ITGA1: variants seen among roughly 807,000 people sequenced by gnomAD.
ITGA1 encodes integrin alpha-1.
ITGA1 carries 85 observed loss-of-function variants against 145.9 expected under a neutral mutation model. The observed-to-expected ratio is 0.58, with a 90% CI of 0.49 to 0.70. The LOEUF (loss-of-function observed/expected upper bound fraction) is 0.70, where lower values mean the gene tolerates loss of function less well. ITGA1 is among the 30% of genes least tolerant of loss of function. ITGA1 has a pLI of 0.00. For missense variants in ITGA1, 1,351 were observed against 1,418.7 expected, an observed-to-expected ratio of 0.95 and a Z score of 0.77; for synonymous variants, 520 against 495.3, an observed-to-expected ratio of 1.05 and a Z score of -0.66.
chr5:52,824,022 G>A (rs916892412), intron 1 of ITGA1, among the ~76,000 whole-genome samples: 1 of 152,104 alleles, frequency 6.6e-6, no homozygotes, highest in Non-Finnish European at 1.5e-5. Flanking sequence ...TACTTTAAGA[G>A]TGCTATATTT....
intron 7 of ITGA1, among the ~76,000 whole-genome samples, chr5:52,884,988 C>T (rs943019767): frequency 1.3e-5 from 2 of 152,102 alleles, no homozygotes; most frequent in African/African-American, 4.8e-5. Context: ...CAAATTAGAC[C>T]CCTTACTTGG....
Position 52,893,950 on chromosome 5 carries a change from A to G in ITGA1, c.1090+110A>G, listed in dbSNP as rs1379234272. 6.4e-6 allele frequency: 4 copies of G among 623,350 alleles called. No homozygotes were observed. The African/African-American group carries it at 6.7e-5, about 10-fold the overall frequency. 38.6% of individuals were successfully genotyped at this position (623,350 alleles called of 1,614,324 possible). On this transcript the variant is annotated intron_variant, in intron 9 of 28. Coordinates refer to ENST00000282588, the MANE Select transcript of ITGA1 (RefSeq NM_181501.2). ...TCAGTAATACTTTTTTTTTTTTTTT[A>G]CTGTGTACAATATCTAGCATGGAAC...
At chr5:52,870,734 C>T (rs1749765054) in intron 6 of ITGA1, among the ~76,000 whole-genome samples, 2 of 152,114 alleles carry the variant, frequency 1.3e-5, no homozygotes, top group African/African-American at 4.8e-5. Context: ...AAAGCAAGAG[C>T]CAGTGTGAGG....
In ITGA1 at chr5:52,952,967, T is replaced by C. The variant is rs892935579; in HGVS notation, c.*516T>C. 1 of 152,154 alleles carries C rather than the reference T, an allele frequency of 6.6e-6. No individual in the cohort carries two copies. Among genetic ancestry groups the C allele is most frequent in the African/African-American group, 2.4e-5 (1 of 41,442 alleles). 9.4% of individuals were successfully genotyped at this position (152,154 alleles called of 1,614,324 possible). A position where few individuals can be genotyped will look rare whatever the true frequency, so the allele number is the denominator to read the frequency against. On this transcript the variant is annotated 3_prime_UTR_variant, in exon 29 of 29. Coordinates refer to ENST00000282588, the MANE Select transcript of ITGA1 (RefSeq NM_181501.2). ...CCCTTGGTAGAATCCATATACAATA[T>C]GGATTGAAAATTAAGTCACCAAGAA... is the stretch of plus-strand genomic sequence containing the variant.
intron 3 of ITGA1, among the ~76,000 whole-genome samples, chr5:52,862,365 A>C (rs1221029816): frequency 1.3e-5 from 2 of 152,188 alleles, no homozygotes; most frequent in Non-Finnish European, 2.9e-5. Flanking sequence ...ATAATCATTT[A>C]TAATCTATAA....
At chr5:52,838,131 T>C (rs1352380239) in intron 1 of ITGA1, among the ~76,000 whole-genome samples, 1 of 152,170 alleles carries the variant, frequency 6.6e-6, no homozygotes, top group Non-Finnish European at 1.5e-5. Flanking sequence ...CCGAAAAACT[T>C]CTGAATGAAG....
chr5:52,848,909 A>C (rs1207745962), intron 1 of ITGA1, among the ~76,000 whole-genome samples: 2 of 152,066 alleles, frequency 1.3e-5, no homozygotes. Context: ...ACATGAACTC[A>C]TCCTTTTTTA....
chr5:52,799,055 T>C (rs1190170940), intron 1 of ITGA1, among the ~76,000 whole-genome samples: 1 of 152,204 alleles, frequency 6.6e-6, no homozygotes, highest in Non-Finnish European at 1.5e-5. Context: ...GTTTCATCTG[T>C]TCAGGCTGGT....
intron 28 of ITGA1, among the ~76,000 whole-genome samples, 170 bp from the exon 29 acceptor site, chr5:52,952,237 A>AT (rs1483335048): frequency 6.6e-6 from 1 of 152,034 alleles, no homozygotes; most frequent in Non-Finnish European, 1.5e-5. Flanking sequence ...AATAAATGTC[A>AT]TTTTTTGACA....
At chr5:52,879,777 A>G (rs1427723634) in intron 6 of ITGA1, among the ~76,000 whole-genome samples, 1 of 152,040 alleles carries the variant, frequency 6.6e-6, no homozygotes, top group Non-Finnish European at 1.5e-5. Context: ...AATAGGTGGT[A>G]AAGGATATTG....
chr5:52,911,013 T>C (rs893927237), intron 14 of ITGA1, among the ~76,000 whole-genome samples: 5 of 115,622 alleles, frequency 4.3e-5, no homozygotes, highest in Non-Finnish European at 6.7e-5. Flanking sequence ...ATACTGTATA[T>C]ACTATATATA....
intron 1 of ITGA1, among the ~76,000 whole-genome samples, chr5:52,790,771 A>C (rs954007929): frequency 9.9e-5 from 15 of 152,228 alleles, no homozygotes; most frequent in Admixed American, 4.6e-4. Context: ...ATCTAAGATA[A>C]CATATTCACA....
chr5:52,850,823 C>T (rs900449349), intron 2 of ITGA1, among the ~76,000 whole-genome samples: 1 of 152,136 alleles, frequency 6.6e-6, no homozygotes, highest in Non-Finnish European at 1.5e-5. Flanking sequence ...TCCACCCATC[C>T]CATTCCCCAA....
chr5:52,849,262 A>G, intron 1 of ITGA1, 103 bp from the exon 2 acceptor site: 1 of 975,340 alleles, frequency 1.0e-6, no homozygotes. Flanking sequence ...TTTTTTTAAT[A>G]GAAACAGCTT....
chr5:52,918,936 G>A, intron 16 of ITGA1, 38 bp downstream of exon 16: 2 of 1,514,678 alleles, frequency 1.3e-6, no homozygotes, highest in Admixed American at 2.0e-5. Flanking sequence ...TTTGGGTAGA[G>A]GACAATATAT....
intron 24 of ITGA1, 132 bp downstream of exon 24, chr5:52,937,646 A>T (rs909076199): frequency 1.5e-6 from 1 of 645,166 alleles, no homozygotes; most frequent in Admixed American, 2.6e-5. Context: ...TTAGATAATT[A>T]AAAGCAAATA....
intron 11 of ITGA1, chr5:52,903,486 T>G (rs1253112875): frequency 6.6e-6 from 1 of 152,170 alleles, no homozygotes; most frequent in African/African-American, 2.4e-5. Flanking sequence ...GATGAAGGAA[T>G]GAGAATGTGA....
intron 3 of ITGA1, among the ~76,000 whole-genome samples, chr5:52,864,240 T>C (rs1242581300): frequency 6.6e-6 from 1 of 152,206 alleles, no homozygotes; most frequent in African/African-American, 2.4e-5. Flanking sequence ...GTTTCCTTTA[T>C]CAAAACTTTC....
intron 8 of ITGA1, among the ~76,000 whole-genome samples, chr5:52,891,052 A>G (rs1370538960): frequency 6.6e-6 from 1 of 152,176 alleles, no homozygotes; most frequent in African/African-American, 2.4e-5. Flanking sequence ...TGGAAATGAC[A>G]AAGTTTTGTT....
Sources: gnomAD v4.1 joint callset for allele counts (sites outside exome capture counted in the v4.1 genomes callset) on GRCh38, gnomAD v4.1.1 for gene constraint, MANE v1.5 for transcripts, NCBI Gene and HGNC (gene_info 2026-07-23, HGNC 2026-07-21) for gene names.